The following RERE variants were observed in gnomAD, a reference collection of about 807,000 sequenced individuals.
The protein encoded by RERE is arginine-glutamic acid dipeptide repeats protein.
In RERE, 40 loss-of-function variants were observed where a neutral mutation model predicts 146.1. The ratio of observed to expected loss-of-function variants is 0.27; its 90% CI spans 0.21 to 0.36. The LOEUF (loss-of-function observed/expected upper bound fraction) is 0.36, where lower values mean the gene tolerates loss of function less well. Among genes scored for constraint, RERE ranks in the 10% least tolerant of loss-of-function variants. The pLI is 1.00. For synonymous variants in RERE, 1,003 were observed against 866.0 expected, an observed-to-expected ratio of 1.16 and a Z score of -2.78; for missense variants, 1,933 against 2,138.7, an observed-to-expected ratio of 0.90 and a Z score of 1.90.
At chr1:8,815,656 G>A (rs1420004474) in intron 1 of RERE, among the ~76,000 whole-genome samples, 4 of 152,122 alleles carry the variant, frequency 2.6e-5, no homozygotes, top group African/African-American at 9.7e-5. Flanking sequence ...TTGCAAAAAC[G>A]GCCAGGCATG....
At chr1:8,387,210 A>G (rs1642707443) in intron 12 of RERE, among the ~76,000 whole-genome samples, 1 of 152,252 alleles carries the variant, frequency 6.6e-6, no homozygotes, top group Non-Finnish European at 1.5e-5. Flanking sequence ...TGGCAACACA[A>G]ATCAGTGGAG....
At chr1:8,588,177 T>C (rs1646450108) in intron 4 of RERE, among the ~76,000 whole-genome samples, 1 of 152,222 alleles carries the variant, frequency 6.6e-6, no homozygotes, top group African/African-American at 2.4e-5. Context: ...TGGACTGTTC[T>C]TCATGCAGTA....
intron 1 of RERE, among the ~76,000 whole-genome samples, chr1:8,672,025 G>C (rs1638730289): frequency 6.6e-6 from 1 of 152,194 alleles, no homozygotes; most frequent in East Asian, 1.9e-4. Flanking sequence ...ATTCTATCTA[G>C]CACTTTGGGA....
At chr1:8,790,843 C>T (rs1641352183) in intron 1 of RERE, among the ~76,000 whole-genome samples, 1 of 152,208 alleles carries the variant, frequency 6.6e-6, no homozygotes. Flanking sequence ...ACCTCAGCCT[C>T]CCAAAATGCT....
At position 8,541,214 on chromosome 1, in the gene RERE, C is replaced by T. The variant is rs1645796599; in HGVS notation, c.830G>A (p.Arg277Lys). Reference protein sequence around the residue: ...FYILGYNPETRRLNSTQGEIR... With the variant: ...FYILGYNPETKRLNSTQGEIR... ...GAATGGACACAAGTGACTCACTTAC[C>T]TTGTCTCAGGGTTATATCCTAATAT... Residue 277 changes from arginine to lysine, a missense_variant and splice_region_variant, in exon 7 of 23, where the codon AGG (arginine) becomes AAG (lysine). Transcript: ENST00000400908. 3 of 1,543,830 alleles carry T rather than the reference C, an allele frequency of 1.9e-6. No individual in the cohort carries two copies. Among genetic ancestry groups the T allele is most frequent in the African/African-American group, 1.4e-5 (1 of 73,164 alleles).
At chr1:8,733,958 C>T (rs1252170500) in intron 1 of RERE, among the ~76,000 whole-genome samples, 1 of 152,080 alleles carries the variant, frequency 6.6e-6, no homozygotes, top group Non-Finnish European at 1.5e-5. Context: ...CAAAAATTAG[C>T]CATGCATGGT....
intron 12 of RERE, among the ~76,000 whole-genome samples, chr1:8,414,486 G>A (rs1471629997): frequency 3.3e-5 from 5 of 151,722 alleles, no homozygotes; most frequent in Non-Finnish European, 7.4e-5. Context: ...AACCCGGGAG[G>A]TGGAGGTTGC....
chr1:8,773,494 G>A (rs1640995351), intron 1 of RERE, among the ~76,000 whole-genome samples: 1 of 152,036 alleles, frequency 6.6e-6, no homozygotes, highest in Admixed American at 6.6e-5. Flanking sequence ...TGAAGTTCAA[G>A]ACCAGCCTGC....
rs1404773301 is a variant in RERE at position 8,423,270 on chromosome 1, T to A, written c.1204-463A>T. ...ACCCTAGGGGGTTAAAAGGCCGCTTTCCTTAATCCAAAGAATTTGCCAGGA... is the reference window on the plus strand; with the variant it reads ...ACCCTAGGGGGTTAAAAGGCCGCTTACCTTAATCCAAAGAATTTGCCAGGA... On this transcript the variant is annotated intron_variant, in intron 11 of 22. Coordinates refer to ENST00000400908, the MANE Select transcript of RERE (RefSeq NM_001042681.2). The surrounding 1 kb of genome is among the most constrained non-coding windows in gnomAD (Gnocchi z 5.4). 6.5e-6 allele frequency: 1 copy of A among 153,764 alleles called. No homozygotes were observed. The highest frequency in any genetic ancestry group is 2.4e-5 in the African/African-American group (1 of 41,402). The allele number at this position is 153,764 out of a possible 1,614,324, so 9.5% of individuals were successfully genotyped here. A position where few individuals can be genotyped will look rare whatever the true frequency, so the allele number is the denominator to read the frequency against.
intron 1 of RERE, among the ~76,000 whole-genome samples, chr1:8,798,292 G>A (rs1641517522): frequency 6.6e-6 from 1 of 152,108 alleles, no homozygotes; most frequent in African/African-American, 2.4e-5. Context: ...AGCTACCTGG[G>A]AGGCTGAGGC....
intron 1 of RERE, among the ~76,000 whole-genome samples, chr1:8,728,980 A>C (rs1259632615): frequency 6.6e-6 from 1 of 152,082 alleles, no homozygotes; most frequent in Non-Finnish European, 1.5e-5. Flanking sequence ...AGCCTGACCA[A>C]CATGGAGAAA....
rs1405092935 is a variant in RERE, at chr1:8,624,289, C to T, written c.396+21G>A. The T allele has an allele frequency of 2.6e-6, 4 of 1,568,262 alleles. No homozygotes were observed. In the South Asian group the frequency reaches 3.3e-5, roughly 13 times the overall value. On this transcript the variant is annotated intron_variant, in intron 3 of 22. Transcript: ENST00000400908. Reference sequence around the variant, plus strand: ...AAGAGAGAATACAGAGCAGAGTGAACAGCACATTAAAAACGCTTACCAGTT... The same window carrying T: ...AAGAGAGAATACAGAGCAGAGTGAATAGCACATTAAAAACGCTTACCAGTT...
intron 4 of RERE, among the ~76,000 whole-genome samples, chr1:8,612,704 A>G (rs1021569245): frequency 2.0e-5 from 3 of 152,228 alleles, no homozygotes; most frequent in African/African-American, 4.8e-5. Context: ...GATTAAGAAA[A>G]TATCAGCCTG....
At chr1:8,522,367 A>C (rs145489677) in intron 7 of RERE, among the ~76,000 whole-genome samples, 2 of 152,378 alleles carry the variant, frequency 1.3e-5, no homozygotes, top group African/African-American at 4.8e-5. Context: ...ACAAACAAAA[A>C]GTACCTGGCA....
intron 1 of RERE, among the ~76,000 whole-genome samples, chr1:8,670,834 G>C (rs779907330): frequency 2.6e-5 from 4 of 152,188 alleles, no homozygotes; most frequent in Admixed American, 6.5e-5. Context: ...GTTTTGCATA[G>C]AGAAGTAACA....
chr1:8,669,093 G>T (rs1250609298), intron 1 of RERE, among the ~76,000 whole-genome samples: 1 of 138,944 alleles, frequency 7.2e-6, no homozygotes, highest in Non-Finnish European at 1.6e-5. Context: ...TTTTAAGACA[G>T]GGTCTCACTC....
chr1:8,689,527 A>C (rs1265958612), intron 1 of RERE, among the ~76,000 whole-genome samples: 2 of 152,216 alleles, frequency 1.3e-5, no homozygotes, highest in African/African-American at 4.8e-5. Flanking sequence ...ACTTCAAAGA[A>C]ATTTTATACT....
At chr1:8,359,532 C>T (rs944059711) in intron 19 of RERE, among the ~76,000 whole-genome samples, 3 of 152,178 alleles carry the variant, frequency 2.0e-5, no homozygotes, top group East Asian at 1.9e-4. Flanking sequence ...GGTAGGAGGA[C>T]GCACAGTCAC....
intron 11 of RERE, among the ~76,000 whole-genome samples, chr1:8,433,934 A>G (rs1183069485): frequency 6.6e-6 from 1 of 152,172 alleles, no homozygotes; most frequent in Non-Finnish European, 1.5e-5. Flanking sequence ...GAGTAATACC[A>G]AAGAGTTCTC....
Sources: allele counts gnomAD v4.1 joint callset (sites outside exome capture counted in the v4.1 genomes callset), GRCh38; gene constraint gnomAD v4.1.1; non-coding constraint Gnocchi (gnomAD v3.1); transcripts MANE v1.5; gene names NCBI Gene and HGNC (gene_info 2026-07-23, HGNC 2026-07-21).